The following METTL24 variants were observed in gnomAD, a reference collection of about 807,000 sequenced individuals.
METTL24 encodes probable methyltransferase-like protein 24.
METTL24 carries 29 observed loss-of-function variants against 32.7 expected under a neutral mutation model. The ratio of observed to expected loss-of-function variants is 0.89; its 90% CI spans 0.66 to 1.21. The LOEUF (loss-of-function observed/expected upper bound fraction) is 1.21, where lower values mean the gene tolerates loss of function less well. METTL24 is among the 50% of genes most tolerant of loss of function. METTL24 has a pLI of 0.00. For synonymous variants in METTL24, 163 were observed against 179.5 expected, an observed-to-expected ratio of 0.91 and a Z score of 0.73; for missense variants, 439 against 468.1, an observed-to-expected ratio of 0.94 and a Z score of 0.57.
chr6:110,272,485 A>C (rs1770975679), intron 4 of METTL24, among the ~76,000 whole-genome samples: 1 of 152,214 alleles, frequency 6.6e-6, no homozygotes, highest in South Asian at 2.1e-4. Context: ...GTAGATACCC[A>C]GTAGTGGGAT....
At position 110,299,168 on chromosome 6, in the gene METTL24, G is replaced by C; in HGVS notation, c.558-18C>G. 1 of 1,604,786 alleles carries C rather than the reference G, an allele frequency of 6.2e-7. No individual in the cohort carries two copies. The highest frequency in any genetic ancestry group is 8.5e-7 in the Non-Finnish European group (1 of 1,174,232). On this transcript the variant is annotated intron_variant, in intron 3 of 4. Transcript: ENST00000338882. ...TTCCTAGCCTATAAAGAAAGAGGACGGAAATCAACAACAAAAAATGCAATG... is the reference window on the plus strand; with the variant it reads ...TTCCTAGCCTATAAAGAAAGAGGACCGAAATCAACAACAAAAAATGCAATG...
At chr6:110,290,621 T>C (rs1392834014) in intron 4 of METTL24, among the ~76,000 whole-genome samples, 1 of 152,192 alleles carries the variant, frequency 6.6e-6, no homozygotes, top group East Asian at 1.9e-4. Context: ...CATTCACATA[T>C]TTACAGACAT....
chr6:110,257,865 A>G (rs538514458), intron 4 of METTL24, among the ~76,000 whole-genome samples: 1 of 152,336 alleles, frequency 6.6e-6, no homozygotes, highest in East Asian at 1.9e-4. Context: ...TGATATAATG[A>G]GGTTGGAATA....
At chr6:110,266,432 G>A (rs1369669257) in intron 4 of METTL24, among the ~76,000 whole-genome samples, 2 of 152,096 alleles carry the variant, frequency 1.3e-5, no homozygotes, top group Non-Finnish European at 2.9e-5. Flanking sequence ...CCACCTAAAC[G>A]TCTACTGTTC....
intron 4 of METTL24, among the ~76,000 whole-genome samples, chr6:110,288,191 A>T (rs1205147721): frequency 6.6e-6 from 1 of 152,156 alleles, no homozygotes; most frequent in Non-Finnish European, 1.5e-5. Flanking sequence ...ATGAAGCCAT[A>T]GTCATGGGCA....
At chr6:110,253,856 ATT>A (rs1778330102) in intron 4 of METTL24, 3 of 1,408,482 alleles carry the variant, frequency 2.1e-6, no homozygotes, top group Admixed American at 2.9e-5. Flanking sequence ...ATGTCAATAA[ATT>A]TTCCTCTAAA....
intron 4 of METTL24, among the ~76,000 whole-genome samples, chr6:110,276,253 T>G (rs555662535): frequency 3.7e-4 from 57 of 152,186 alleles, no homozygotes; most frequent in African/African-American, 1.3e-3. Context: ...GGCAATACAG[T>G]GAGACCCTCA....
At chr6:110,298,523 A>C (rs1379018411) in intron 4 of METTL24, among the ~76,000 whole-genome samples, 3 of 151,648 alleles carry the variant, frequency 2.0e-5, no homozygotes, top group Non-Finnish European at 4.4e-5. Flanking sequence ...CATGATACAC[A>C]AGCAATATCT....
chr6:110,312,059 C>A (rs191919862), intron 3 of METTL24, among the ~76,000 whole-genome samples: 7 of 152,216 alleles, frequency 4.6e-5, no homozygotes, highest in African/African-American at 1.7e-4. Context: ...TTAATACAGT[C>A]CCATTTGTCT....
At chr6:110,254,444 C>A (rs369022817) in intron 4 of METTL24, among the ~76,000 whole-genome samples, 1 of 152,034 alleles carries the variant, frequency 6.6e-6, no homozygotes, top group African/African-American at 2.4e-5. Context: ...CCAGCCTGGG[C>A]AACATGGCAA....
intron 1 of METTL24, among the ~76,000 whole-genome samples, chr6:110,350,456 A>C (rs1192802029): frequency 2.0e-5 from 3 of 152,072 alleles, no homozygotes; most frequent in Non-Finnish European, 4.4e-5. Flanking sequence ...GCCAGTTGCA[A>C]GGGGGGCTGT....
At chr6:110,352,999 G>A (rs910145465) in intron 1 of METTL24, among the ~76,000 whole-genome samples, 1 of 152,198 alleles carries the variant, frequency 6.6e-6, no homozygotes, top group African/African-American at 2.4e-5. Flanking sequence ...CACCACCAGT[G>A]GTTGAAAAAC....
intron 4 of METTL24, among the ~76,000 whole-genome samples, chr6:110,273,998 A>G (rs1198909771): frequency 1.3e-5 from 2 of 152,252 alleles, no homozygotes; most frequent in African/African-American, 4.8e-5. Flanking sequence ...CAACGAGTGG[A>G]TAAAGAAAAT....
chr6:110,307,920 G>C (rs552461660), intron 3 of METTL24, among the ~76,000 whole-genome samples: 1 of 152,262 alleles, frequency 6.6e-6, no homozygotes, highest in Admixed American at 6.5e-5. Flanking sequence ...TATTAATGCT[G>C]GGGTTAGAAG....
Position 110,267,001 on chromosome 6 carries a change from G to T in METTL24, c.787-20741C>A, listed in dbSNP as rs114867416. 7.7e-3 allele frequency among the ~76,000 whole-genome samples: 1,166 copies of T among 152,080 alleles called. 8 individuals carry two copies. The highest frequency in any genetic ancestry group is 0.027 in the African/African-American group (1,113 of 41,472). ...GTAAGTTATAATTGGGGCAGATCCA[G>T]ATTTTGTGGGGCCTCAAGCTTCACT... is the stretch of plus-strand genomic sequence containing the variant. On this transcript the variant is annotated intron_variant, in intron 4 of 4. Transcript: ENST00000338882.
At chr6:110,357,746 T>G (rs1222582848) in intron 1 of METTL24, 2 of 210,172 alleles carry the variant, frequency 9.5e-6, no homozygotes, top group Non-Finnish European at 1.9e-5. Flanking sequence ...GAATAGTGAA[T>G]GAACTCCGCT....
chr6:110,294,171 TGA>T (rs756623557), intron 4 of METTL24, among the ~76,000 whole-genome samples: 14 of 151,494 alleles, frequency 9.2e-5, no homozygotes, highest in Non-Finnish European at 1.3e-4. Context: ...TGAGAGAGAG[TGA>T]GAGAGAGAAA....
intron 1 of METTL24, among the ~76,000 whole-genome samples, chr6:110,351,262 A>T (rs1772595992): frequency 6.6e-6 from 1 of 152,190 alleles, no homozygotes; most frequent in Admixed American, 6.5e-5. Context: ...TTTTTACTTT[A>T]AAAAATATTA....
intron 4 of METTL24, among the ~76,000 whole-genome samples, chr6:110,292,368 T>G (rs528846318): frequency 3.9e-5 from 6 of 152,348 alleles, no homozygotes; most frequent in African/African-American, 1.2e-4. Context: ...GATAATCTGA[T>G]GAAAACATTG....
Sources: allele counts gnomAD v4.1 joint callset (sites outside exome capture counted in the v4.1 genomes callset), GRCh38; gene constraint gnomAD v4.1.1; transcripts MANE v1.5; gene names NCBI Gene and HGNC (gene_info 2026-07-23, HGNC 2026-07-21).